DNMT3A: variants seen among roughly 807,000 people sequenced by gnomAD.
DNMT3A encodes DNA (cytosine-5)-methyltransferase 3A.
A neutral mutation model predicts 117.6 loss-of-function variants in DNMT3A; 267 were observed. The ratio of observed to expected loss-of-function variants is 2.27; its 90% CI spans 2.05 to 2.51. The LOEUF is 2.51. DNMT3A is among the 30% of genes most tolerant of loss of function. The probability of loss-of-function intolerance (pLI) is 0.00; values close to 1 mark genes in which losing one functional copy is unlikely to be tolerated. For missense variants in DNMT3A, 1,029 were observed against 1,260.2 expected (o/e 0.82, Z 2.78); for synonymous variants, 432 against 474.8 (o/e 0.91, Z 1.17).
chr2:25,248,235 C>G lies in DNMT3A; in HGVS notation c.657G>C (p.Lys219Asn). The change falls in exon 7 of 23, where the codon AAG becomes AAC. Residue 219 changes from lysine to asparagine, a missense_variant. Coordinates refer to ENST00000321117, the MANE Select transcript of DNMT3A (RefSeq NM_022552.5). ...RWKREAEKKA[K>N]VIAGMNAVEE... is the part of the protein sequence containing the mutation. The stretch of plus-strand genomic sequence containing the variant: ...CCACAGCATTCATTCCTGCAATGAC[C>G]TTGGCTTTCTTCTCAGCCTGGGGAA... 1.2e-6 allele frequency: 2 copies of G among 1,611,992 alleles called. No homozygotes were observed. The highest frequency in any genetic ancestry group is 1.7e-6 in the Non-Finnish European group (2 of 1,179,526).
rs2031966482 is a variant in DNMT3A, at chr2:25,282,579, C to T, written c.310G>A (p.Gly104Arg). 6.2e-7 allele frequency: 1 copy of T among 1,613,634 alleles called. No individual in the cohort carries two copies. The change falls in exon 4 of 23, where the codon GGG becomes AGG. Residue 104 changes from glycine to arginine, a missense_variant. Physicochemically the swap from Gly to Arg is moderately radical, Grantham distance 125. Coordinates refer to ENST00000321117, the MANE Select transcript of DNMT3A (RefSeq NM_022552.5). The surrounding 1 kb of genome is among the most constrained non-coding windows in gnomAD (Gnocchi z 5.2). Reference protein sequence around the residue: ...EKRSEPQPEEGSPAGGQKGGA... With the variant: ...EKRSEPQPEERSPAGGQKGGA... ...CCCTTCTGCCCCCCAGCAGGGCTCC[C>T]CTCCTCTGGCTGGGGCTCACTCCGC...
chr2:25,282,018 G>A lies in DNMT3A; in HGVS notation c.448+423C>T, dbSNP rs1164992352. On this transcript the variant is annotated intron_variant, in intron 4 of 22. Coordinates refer to ENST00000321117, the MANE Select transcript of DNMT3A (RefSeq NM_022552.5). The surrounding 1 kb of genome is among the most constrained non-coding windows in gnomAD (Gnocchi z 5.2). ...GCAACCCCCAGGAACTGCATGGCACGTGGGAGAGTAAGCAGGCCAGGTAGA... is the reference window on the plus strand; with the variant it reads ...GCAACCCCCAGGAACTGCATGGCACATGGGAGAGTAAGCAGGCCAGGTAGA... The A allele has an allele frequency of 4.3e-5, 48 of 1,129,410 alleles. No homozygotes were observed. Among genetic ancestry groups the A allele is most frequent in the African/African-American group, 1.5e-4 (9 of 61,916 alleles). 70.0% of individuals were successfully genotyped at this position (1,129,410 alleles called of 1,614,324 possible).
intron 4 of DNMT3A, 39 bp from the exon 5 acceptor site, chr2:25,275,582 C>T (rs371453693): frequency 1.2e-5 from 18 of 1,546,276 alleles, no homozygotes; most frequent in African/African-American, 1.0e-4. Flanking sequence ...GTTCGTTGGT[C>T]GGCAGAATTA....
chr2:25,240,657 G>A lies in DNMT3A; in HGVS notation c.2156C>T (p.Ala719Val). The A allele has an allele frequency of 6.2e-7, 1 of 1,614,250 alleles. No individual in the cohort carries two copies. ...GTACCTACCGTAGAGGCCCTTGCGA[G>A]CAGGGTTGACGATGGAGAGGTCATT... ...PCNDLSIVNP[A>V]RKGLYEGTGR... is the part of the protein sequence containing the mutation. The change falls in exon 18 of 23, where the codon GCT becomes GTT. Residue 719 changes from alanine to valine, a missense_variant. By Grantham distance (64) the Ala-to-Val change is moderately conservative. Transcript: ENST00000321117.
intron 6 of DNMT3A, chr2:25,249,726 T>G: frequency 6.2e-7 from 1 of 1,614,166 alleles, no homozygotes. Flanking sequence ...CCAGGATCCC[T>G]ACAAAGGAGA....
intron 17 of DNMT3A, 68 bp from the exon 18 acceptor site, chr2:25,240,798 A>AT: frequency 6.6e-7 from 1 of 1,506,670 alleles, no homozygotes; most frequent in South Asian, 1.1e-5. Context: ...AGAAAGAGAA[A>AT]TTATCTGTGA....
At position 25,327,604 on chromosome 2, in the gene DNMT3A, C is replaced by T. The variant is rs1032709336; in HGVS notation, c.-177-13443G>A. On this transcript the variant is annotated intron_variant, in intron 1 of 22. Transcript: ENST00000321117. The surrounding 1 kb of genome is among the most constrained non-coding windows in gnomAD (Gnocchi z 4.1). ...CGGGAGTCTTGATCCCACTTCTGCA[C>T]GGTGGGTGCTCCTCAAAGGTCATGT... is the stretch of plus-strand genomic sequence containing the variant. 5.3e-5 allele frequency among the ~76,000 whole-genome samples: 8 copies of T among 152,292 alleles called. No homozygotes were observed. The highest frequency in any genetic ancestry group is 3.4e-3 in the Middle Eastern group (1 of 294).
chr2:25,278,023 ACACACACACACAC>A (rs1558700777), intron 4 of DNMT3A, among the ~76,000 whole-genome samples: 22 of 82,544 alleles, frequency 2.7e-4, no homozygotes, highest in Non-Finnish European at 4.5e-4. Flanking sequence ...ACACACACAC[ACACACACACACAC>A]ACAGACACAC....
At chr2:25,249,496 G>C in intron 6 of DNMT3A, 1 of 784,610 alleles carries the variant, frequency 1.3e-6, no homozygotes, top group Non-Finnish European at 2.1e-6. Flanking sequence ...TACCAGATTC[G>C]ACCCCTTCTA....
intron 6 of DNMT3A, among the ~76,000 whole-genome samples, chr2:25,265,936 C>T (rs2030298948): frequency 6.6e-6 from 1 of 152,244 alleles, no homozygotes; most frequent in Admixed American, 6.5e-5. Context: ...AACACCCTTT[C>T]CCTGGTTCAG....
chr2:25,335,722 G>A (rs1027128733), intron 1 of DNMT3A, among the ~76,000 whole-genome samples: 8 of 152,108 alleles, frequency 5.3e-5, no homozygotes, highest in Admixed American at 3.9e-4. Flanking sequence ...ATGGTCCTCC[G>A]TCCCCTCTGT....
intron 2 of DNMT3A, 91 bp from the exon 3 acceptor site, chr2:25,300,334 C>A: frequency 7.2e-7 from 1 of 1,394,668 alleles, no homozygotes; most frequent in East Asian, 2.5e-5. Flanking sequence ...GGCTTCCCTT[C>A]CAGCCCCAGC....
At chr2:25,264,142 T>TG (rs2029984007) in intron 6 of DNMT3A, among the ~76,000 whole-genome samples, 1 of 132,032 alleles carries the variant, frequency 7.6e-6, no homozygotes, top group Admixed American at 7.6e-5. Flanking sequence ...GTTTTTTTTT[T>TG]TTTTTTTTTT....
intron 6 of DNMT3A, among the ~76,000 whole-genome samples, chr2:25,253,170 C>T (rs891134180): frequency 1.3e-5 from 2 of 152,062 alleles, no homozygotes; most frequent in African/African-American, 4.8e-5. Context: ...GGTGCAGCCT[C>T]CGCCATTTCA....
chr2:25,247,142 A>G lies in DNMT3A; in HGVS notation c.1031T>C (p.Leu344Pro), dbSNP rs749817324. The G allele has an allele frequency of 8.1e-6, 13 of 1,613,854 alleles. No homozygotes were observed. Among genetic ancestry groups the G allele is most frequent in the Non-Finnish European group, 1.1e-5 (13 of 1,179,910 alleles). The change falls in exon 9 of 23, where the codon CTG (leucine) becomes CCG (proline). Residue 344 changes from leucine (L) to proline (P), a missense_variant. Transcript: ENST00000321117. This position sits in a 1 kb window ranked among gnomAD's most constrained non-coding sequence, Gnocchi z 5.6. ...GKFSVVCVEK[L>P]MPLSSFCSAF... Reference sequence around the variant, plus strand: ...ACTGCAAAACGAGCTCAGCGGCATCAGCTTCTCAACACACACCTGGGGGGA... The same window carrying G: ...ACTGCAAAACGAGCTCAGCGGCATCGGCTTCTCAACACACACCTGGGGGGA...
chr2:25,251,154 G>GC (rs1491287830), intron 6 of DNMT3A, among the ~76,000 whole-genome samples: 2 of 11,040 alleles, frequency 1.8e-4, no homozygotes, highest in Non-Finnish European at 8.2e-4. Flanking sequence ...AGGAAGAAGC[G>GC]GGGGGGGGGG....
chr2:25,235,615 A>C, intron 22 of DNMT3A, 92 bp downstream of exon 22: 1 of 1,017,664 alleles, frequency 9.8e-7, no homozygotes, highest in Non-Finnish European at 1.5e-6. Context: ...TTTGTGGAAA[A>C]CAAGTCAGGT....
In DNMT3A at chr2:25,337,569, G is replaced by T. The variant is rs1474848450; in HGVS notation, c.-178+4257C>A. Among the ~76,000 whole-genome samples the T allele has an allele frequency of 6.6e-6, 1 of 152,168 alleles. No homozygotes were observed. The highest frequency in any genetic ancestry group is 2.4e-5 in the African/African-American group (1 of 41,434). The stretch of plus-strand genomic sequence containing the variant: ...GAGTGCAGCTCCCTGTGACTCGAGG[G>T]CCTCAAGCTGCCTTGACACTGGCTC... On this transcript the variant is annotated intron_variant, in intron 1 of 22. Transcript: ENST00000321117. This position sits in a 1 kb window ranked among gnomAD's most constrained non-coding sequence, Gnocchi z 5.0.
intron 1 of DNMT3A, among the ~76,000 whole-genome samples, chr2:25,324,862 G>A (rs927133401): frequency 1.3e-5 from 2 of 152,184 alleles, no homozygotes; most frequent in Non-Finnish European, 2.9e-5. Context: ...ACTACCAGCT[G>A]TCCATAGAAT....
Sources: gnomAD v4.1 joint callset for allele counts (sites outside exome capture counted in the v4.1 genomes callset) on GRCh38, gnomAD v4.1.1 for gene constraint, Gnocchi (gnomAD v3.1) non-coding constraint, MANE v1.5 for transcripts, NCBI Gene and HGNC (gene_info 2026-07-23, HGNC 2026-07-21) for gene names.